VEPH1: variants seen among roughly 807,000 people sequenced by gnomAD.
The protein encoded by VEPH1 is ventricular zone-expressed PH domain-containing protein homolog 1.
VEPH1 carries 80 observed loss-of-function variants against 85.2 expected under a neutral mutation model. The observed-to-expected ratio is 0.94, with a 90% CI of 0.78 to 1.13. The LOEUF (loss-of-function observed/expected upper bound fraction) is 1.13. Among genes scored for constraint, VEPH1 ranks in the 50% most tolerant of loss-of-function variants. VEPH1 has a pLI of 0.00. For missense variants in VEPH1, 955 were observed against 980.5 expected, an observed-to-expected ratio of 0.97 and a Z score of 0.35; for synonymous variants, 297 against 348.0, an observed-to-expected ratio of 0.85 and a Z score of 1.63.
chr3:157,445,713 C>T (rs1455182681), intron 4 of VEPH1, among the ~76,000 whole-genome samples: 6 of 151,656 alleles, frequency 4.0e-5, no homozygotes, highest in Admixed American at 6.6e-5. Context: ...CTCTTGAACC[C>T]GGGAGGCGGA....
At chr3:157,409,097 AT>A (rs141229794) in intron 6 of VEPH1, among the ~76,000 whole-genome samples, 15 of 151,074 alleles carry the variant, frequency 9.9e-5, no homozygotes, top group South Asian at 4.2e-4. Flanking sequence ...TCCATCAAGC[AT>A]TTTTTTTTAA....
chr3:157,460,368 A>G lies in VEPH1; in HGVS notation c.355-13T>C, dbSNP rs1735752249. 3 of 1,598,582 alleles carry G rather than the reference A, an allele frequency of 1.9e-6. No individual in the cohort carries two copies. In the East Asian group the frequency reaches 6.7e-5, roughly 36 times the overall value. Reference sequence around the variant, plus strand: ...GTCGGTTGTAATTCTGAGGAAATATAAGAAAGCCACAAATAATAAGTGACT... The same window carrying G: ...GTCGGTTGTAATTCTGAGGAAATATGAGAAAGCCACAAATAATAAGTGACT... On this transcript the variant is annotated splice_polypyrimidine_tract_variant and intron_variant, in intron 3 of 13. Transcript: ENST00000362010.
At chr3:157,496,974 ATCC>A (rs1297198841) in intron 1 of VEPH1, among the ~76,000 whole-genome samples, 3 of 152,162 alleles carry the variant, frequency 2.0e-5, no homozygotes, top group African/African-American at 7.2e-5. Flanking sequence ...AATTCATCTA[ATCC>A]TCATAACTAT....
chr3:157,489,796 T>A (rs1739056549), intron 2 of VEPH1, among the ~76,000 whole-genome samples: 2 of 152,058 alleles, frequency 1.3e-5, no homozygotes, highest in Non-Finnish European at 2.9e-5. Flanking sequence ...TAATAAATAT[T>A]TGTTGAATAA....
chr3:157,440,925 C>T (rs1279300876), intron 4 of VEPH1, among the ~76,000 whole-genome samples: 1 of 152,114 alleles, frequency 6.6e-6, no homozygotes, highest in Non-Finnish European at 1.5e-5. Flanking sequence ...TAAAGATTTT[C>T]AATTACTGCT....
At position 157,423,630 on chromosome 3, in the gene VEPH1, A is replaced by G. The variant is rs143059930; in HGVS notation, c.696+4692T>C. 2.5e-3 allele frequency among the ~76,000 whole-genome samples: 377 copies of G among 152,340 alleles called. 1 individual carries two copies. The highest frequency in any genetic ancestry group is 8.7e-3 in the African/African-American group (361 of 41,580). ...CTTCATGGCATCTATTTTCCTCTAA[A>G]GTAGAATTCATTACCCCCATCTCTG... On this transcript the variant is annotated intron_variant, in intron 5 of 13. Transcript: ENST00000362010.
At position 157,470,364 on chromosome 3, in the gene VEPH1, C is replaced by A. The variant is rs761906359; in HGVS notation, c.304G>T (p.Asp102Tyr). 1.2e-5 allele frequency: 20 copies of A among 1,613,944 alleles called. No individual in the cohort carries two copies. Among genetic ancestry groups the A allele is most frequent in the Admixed American group, 1.7e-5 (1 of 59,974 alleles). The change falls in exon 3 of 14, where the codon GAC (aspartate) becomes TAC (tyrosine). Residue 102 changes from aspartate (D) to tyrosine (Y), a missense_variant. By Grantham distance (160) the Asp-to-Tyr change is radical (BLOSUM62 -3). Coordinates refer to ENST00000362010, the MANE Select transcript of VEPH1 (RefSeq NM_001167912.2). The stretch of plus-strand genomic sequence containing the variant: ...GATGCGATTTTTGCATGAGGAGTGT[C>A]TTCGTCTTTCCCAAAGGGTCTCAGG... ...HNLRPFGKDE[D>Y]TPHAKIASDI...
intron 1 of VEPH1, among the ~76,000 whole-genome samples, chr3:157,502,860 A>G (rs1334297348): frequency 1.3e-5 from 2 of 152,256 alleles, no homozygotes; most frequent in Non-Finnish European, 2.9e-5. Context: ...TAATGATGCT[A>G]TAATATTTAA....
chr3:157,501,947 T>C (rs1196999540), intron 1 of VEPH1, among the ~76,000 whole-genome samples: 1 of 152,242 alleles, frequency 6.6e-6, no homozygotes, highest in East Asian at 1.9e-4. Context: ...GATTTTTCCC[T>C]TGAAAGAAAG....
At chr3:157,316,921 G>T in intron 10 of VEPH1, 141 bp downstream of exon 10, 3 of 787,616 alleles carry the variant, frequency 3.8e-6, no homozygotes, top group Non-Finnish European at 5.3e-6. Flanking sequence ...AAAAAACCGA[G>T]GTTAAAGTTA....
At chr3:157,423,763 G>T (rs1001826300) in intron 5 of VEPH1, among the ~76,000 whole-genome samples, 1 of 152,196 alleles carries the variant, frequency 6.6e-6, no homozygotes, top group African/African-American at 2.4e-5. Context: ...CTATGGAAAA[G>T]TCTAAGATAC....
At chr3:157,488,412 A>G (rs921513200) in intron 2 of VEPH1, among the ~76,000 whole-genome samples, 2 of 152,012 alleles carry the variant, frequency 1.3e-5, no homozygotes. Context: ...ATCTCATTTG[A>G]CCAATCAGTG....
chr3:157,382,559 T>C (rs1460312540), intron 6 of VEPH1, among the ~76,000 whole-genome samples: 1 of 152,198 alleles, frequency 6.6e-6, no homozygotes, highest in Non-Finnish European at 1.5e-5. Context: ...AATCTTATTT[T>C]TGTGTATGTC....
intron 7 of VEPH1, among the ~76,000 whole-genome samples, chr3:157,379,744 C>T (rs1310993917): frequency 6.6e-6 from 1 of 152,146 alleles, no homozygotes; most frequent in African/African-American, 2.4e-5. Context: ...TCAAATGGGC[C>T]CCACCCTCCT....
intron 11 of VEPH1, among the ~76,000 whole-genome samples, chr3:157,305,302 G>A (rs1392757708): frequency 1.3e-5 from 2 of 150,778 alleles, no homozygotes; most frequent in African/African-American, 4.9e-5. Context: ...GTAGAGACGG[G>A]GTTTCACCGT....
At chr3:157,321,855 C>T (rs192573373) in intron 9 of VEPH1, among the ~76,000 whole-genome samples, 169 of 152,228 alleles carry the variant, frequency 1.1e-3, no homozygotes, top group Non-Finnish European at 1.7e-3. Flanking sequence ...TTAACTTTCT[C>T]TCCTAGATTG....
At chr3:157,445,966 T>C (rs1383155019) in intron 4 of VEPH1, among the ~76,000 whole-genome samples, 1 of 152,136 alleles carries the variant, frequency 6.6e-6, no homozygotes, top group African/African-American at 2.4e-5. Context: ...TGAGAATATA[T>C]AGGTGTTAGC....
chr3:157,407,450 C>T (rs1365374054), intron 6 of VEPH1, among the ~76,000 whole-genome samples: 1 of 152,058 alleles, frequency 6.6e-6, no homozygotes, highest in Non-Finnish European at 1.5e-5. Flanking sequence ...TGGTGGTCTG[C>T]GATACAAATG....
At position 157,501,541 on chromosome 3, in the gene VEPH1, C is replaced by T. The variant is rs141896341; in HGVS notation, c.-158+1736G>A. Among the ~76,000 whole-genome samples the T allele has an allele frequency of 1.4e-4, 21 of 152,298 alleles. 1 individual carries two copies. Among genetic ancestry groups the T allele is most frequent in the African/African-American group, 3.8e-4 (16 of 41,560 alleles). ...TTACTACTTTTCAAGGTGACGTACA[C>T]TCAATGCCCACTAATAAAACATTAG... On this transcript the variant is annotated intron_variant, in intron 1 of 13. Transcript: ENST00000362010.
Sources: allele counts gnomAD v4.1 joint callset (sites outside exome capture counted in the v4.1 genomes callset), GRCh38; gene constraint gnomAD v4.1.1; transcripts MANE v1.5; gene names NCBI Gene and HGNC (gene_info 2026-07-23, HGNC 2026-07-21).